The following CCDC170 variants were observed in gnomAD, a reference collection of about 807,000 sequenced individuals.
The protein encoded by CCDC170 is coiled-coil domain-containing protein 170.
Under a neutral mutation model 72.6 loss-of-function variants are expected in CCDC170, and 69 were observed. The observed-to-expected ratio is 0.95, with a 90% confidence interval of 0.78 to 1.16. The LOEUF is 1.16. Ranked by LOEUF, CCDC170 falls within the 50% of genes most tolerant of loss-of-function variation. CCDC170 has a pLI of 0.00. For missense variants in CCDC170, 852 were observed against 832.5 expected, an observed-to-expected ratio of 1.02 and a Z score of -0.29; for synonymous variants, 300 against 303.9, an observed-to-expected ratio of 0.99 and a Z score of 0.13.
intron 4 of CCDC170, among the ~76,000 whole-genome samples, chr6:151,548,031 T>A (rs541636242): frequency 6.6e-6 from 1 of 152,316 alleles, no homozygotes; most frequent in East Asian, 1.9e-4. Context: ...CCTTACCTGA[T>A]GTATTTAGCA....
chr6:151,593,366 T>C, intron 8 of CCDC170, 86 bp downstream of exon 8: 1 of 1,385,002 alleles, frequency 7.2e-7, no homozygotes, highest in East Asian at 2.4e-5. Context: ...GCCACCATGT[T>C]TACCAGTGTA....
At chr6:151,511,632 T>C (rs755857343) in intron 1 of CCDC170, among the ~76,000 whole-genome samples, 21 of 152,194 alleles carry the variant, frequency 1.4e-4, no homozygotes, top group Non-Finnish European at 2.6e-4. Flanking sequence ...ATATATTTCA[T>C]GAGTGCATAC....
At chr6:151,574,011 A>G (rs373815303) in intron 6 of CCDC170, among the ~76,000 whole-genome samples, 1 of 152,218 alleles carries the variant, frequency 6.6e-6, no homozygotes, top group African/African-American at 2.4e-5. Flanking sequence ...TTGGAGGCCA[A>G]TGTAGTCACT....
intron 9 of CCDC170, among the ~76,000 whole-genome samples, chr6:151,613,582 A>T (rs1478002240): frequency 6.6e-6 from 1 of 152,180 alleles, no homozygotes; most frequent in Admixed American, 6.5e-5. Flanking sequence ...TATAAATGGG[A>T]TAATAGAATA....
At chr6:151,600,585 G>A (rs928677472) in intron 9 of CCDC170, among the ~76,000 whole-genome samples, 2 of 151,932 alleles carry the variant, frequency 1.3e-5, no homozygotes, top group Non-Finnish European at 2.9e-5. Context: ...ATCTAAATAA[G>A]GTCACATTCC....
intron 5 of CCDC170, among the ~76,000 whole-genome samples, chr6:151,568,708 T>C (rs1490317847): frequency 1.3e-5 from 2 of 152,220 alleles, no homozygotes; most frequent in African/African-American, 2.4e-5. Context: ...TTAAACACCT[T>C]ACTTTCTTCA....
chr6:151,590,470 C>T (rs371694115), intron 7 of CCDC170, among the ~76,000 whole-genome samples: 1 of 152,116 alleles, frequency 6.6e-6, no homozygotes, highest in East Asian at 1.9e-4. Flanking sequence ...CGTGAATTTT[C>T]CGTCGCTAAC....
intron 3 of CCDC170, among the ~76,000 whole-genome samples, chr6:151,542,917 A>G (rs1782713052): frequency 6.6e-6 from 1 of 152,226 alleles, no homozygotes; most frequent in Admixed American, 6.5e-5. Context: ...AGAACTCAGA[A>G]ATATAGTGAA....
chr6:151,494,370 A>G (rs1781878993), intron 1 of CCDC170, among the ~76,000 whole-genome samples, 185 bp downstream of exon 1: 1 of 152,184 alleles, frequency 6.6e-6, no homozygotes, highest in Admixed American at 6.5e-5. Flanking sequence ...GGGGATGGGC[A>G]GGACCGGAGT....
intron 1 of CCDC170, among the ~76,000 whole-genome samples, chr6:151,531,989 T>C (rs920481118): frequency 6.6e-6 from 1 of 152,156 alleles, no homozygotes; most frequent in Non-Finnish European, 1.5e-5. Context: ...AGTGGGAACA[T>C]TAGATTTGAG....
intron 5 of CCDC170, among the ~76,000 whole-genome samples, chr6:151,562,696 C>A (rs111903694): frequency 0.019 from 2,825 of 152,256 alleles, 99 homozygotes; most frequent in African/African-American, 0.064. Context: ...CTTCTGGTAG[C>A]AGATTTTGTA....
chr6:151,544,808 CAGG>C, intron 4 of CCDC170, 92 bp downstream of exon 4: 1 of 1,311,908 alleles, frequency 7.6e-7, no homozygotes, highest in Non-Finnish European at 1.1e-6. Flanking sequence ...TTGGGGGTGG[CAGG>C]AGAATGGCAC....
At chr6:151,566,579 G>A (rs991506910) in intron 5 of CCDC170, among the ~76,000 whole-genome samples, 9 of 152,018 alleles carry the variant, frequency 5.9e-5, no homozygotes, top group African/African-American at 1.9e-4. Flanking sequence ...AGTATTAGAA[G>A]CCACAGACAT....
intron 5 of CCDC170, among the ~76,000 whole-genome samples, chr6:151,551,688 G>C (rs553106859): frequency 1.3e-5 from 2 of 152,256 alleles, no homozygotes; most frequent in East Asian, 3.9e-4. Context: ...CCTGAGGCCT[G>C]TCAGCTACCA....
At chr6:151,517,698 T>C (rs1041243418) in intron 1 of CCDC170, among the ~76,000 whole-genome samples, 2 of 151,980 alleles carry the variant, frequency 1.3e-5, no homozygotes, top group Non-Finnish European at 2.9e-5. Flanking sequence ...CACCTCGGCC[T>C]CCCAAAGTGC....
Position 151,500,064 on chromosome 6 carries a change from G to A in CCDC170, c.57+5879G>A, listed in dbSNP as rs74758932. Among the ~76,000 whole-genome samples, 1,028 of 152,240 alleles carry A rather than the reference G, an allele frequency of 6.8e-3. 16 individuals are homozygous for A. The highest frequency in any genetic ancestry group is 0.023 in the African/African-American group (958 of 41,542). ...CACACATTTTACATTCTCACCAGCA[G>A]TGCACAAAGGTTTTCATTTCTCCAC... On this transcript the variant is annotated intron_variant, in intron 1 of 10. Transcript: ENST00000239374.
At chr6:151,562,804 G>A (rs74785135) in intron 5 of CCDC170, among the ~76,000 whole-genome samples, 2,813 of 152,150 alleles carry the variant, frequency 0.018, 100 homozygotes, top group African/African-American at 0.064. Flanking sequence ...GCCTTGATGC[G>A]TTTTGGGGGA....
intron 3 of CCDC170, among the ~76,000 whole-genome samples, chr6:151,538,564 T>C (rs1258484951): frequency 6.6e-6 from 1 of 152,232 alleles, no homozygotes; most frequent in Non-Finnish European, 1.5e-5. Context: ...CAAATGCTTA[T>C]TTACACAATT....
At chr6:151,563,691 T>C (rs748350994) in intron 5 of CCDC170, among the ~76,000 whole-genome samples, 4 of 152,164 alleles carry the variant, frequency 2.6e-5, no homozygotes, top group Non-Finnish European at 4.4e-5. Context: ...CCAAGTTCTC[T>C]GTCCCTGAGA....
Sources: gnomAD v4.1 joint callset for allele counts (sites outside exome capture counted in the v4.1 genomes callset) on GRCh38, gnomAD v4.1.1 for gene constraint, MANE v1.5 for transcripts, NCBI Gene and HGNC (gene_info 2026-07-23, HGNC 2026-07-21) for gene names.